RGS7: variants seen among roughly 807,000 people sequenced by gnomAD.
RGS7 encodes the protein regulator of G-protein signaling 7.
Under a neutral mutation model 81.1 loss-of-function variants are expected in RGS7, and 27 were observed. The observed-to-expected ratio is 0.33, with a 90% CI of 0.25 to 0.46. RGS7 has a LOEUF of 0.46. Among genes scored for constraint, RGS7 ranks in the 20% least tolerant of loss-of-function variants. RGS7 has a pLI of 1.00. For synonymous variants in RGS7, 208 were observed against 207.7 expected, an observed-to-expected ratio of 1.00 and a Z score of -0.01; for missense variants, 396 against 607.4, an observed-to-expected ratio of 0.65 and a Z score of 3.66.
At chr1:240,991,246 C>G (rs1686414272) in intron 3 of RGS7, among the ~76,000 whole-genome samples, 1 of 152,142 alleles carries the variant, frequency 6.6e-6, no homozygotes, top group Non-Finnish European at 1.5e-5. Flanking sequence ...TTCCAGAAAT[C>G]ATAAAAATAT....
At chr1:241,038,476 C>T (rs894700780) in intron 3 of RGS7, among the ~76,000 whole-genome samples, 2 of 152,132 alleles carry the variant, frequency 1.3e-5, no homozygotes, top group African/African-American at 4.8e-5. Flanking sequence ...GCAAAAGAAG[C>T]AATGAAAGCA....
intron 4 of RGS7, among the ~76,000 whole-genome samples, chr1:240,966,165 T>C (rs971173995): frequency 1.3e-5 from 2 of 151,594 alleles, no homozygotes; most frequent in Non-Finnish European, 2.9e-5. Flanking sequence ...CCCTAAACTA[T>C]ATAAAAAAAA....
chr1:241,004,333 A>G (rs1479807363), intron 3 of RGS7, among the ~76,000 whole-genome samples: 1 of 152,156 alleles, frequency 6.6e-6, no homozygotes, highest in African/African-American at 2.4e-5. Context: ...TAATGAGTAT[A>G]CATCGTGTAA....
At chr1:241,314,432 G>A (rs927703863) in intron 2 of RGS7, among the ~76,000 whole-genome samples, 3 of 152,276 alleles carry the variant, frequency 2.0e-5, no homozygotes, top group Non-Finnish European at 4.4e-5. Context: ...CTAAGTTAAG[G>A]TATGTACCTT....
intron 6 of RGS7, among the ~76,000 whole-genome samples, chr1:240,924,509 A>G (rs1674105227): frequency 6.6e-6 from 1 of 152,002 alleles, no homozygotes; most frequent in South Asian, 2.1e-4. Context: ...TGGGGAACAA[A>G]TTTTTCCTTC....
chr1:241,011,319 G>T (rs1004608056), intron 3 of RGS7, among the ~76,000 whole-genome samples: 2 of 152,168 alleles, frequency 1.3e-5, no homozygotes, highest in African/African-American at 4.8e-5. Context: ...CTGGCAGCAG[G>T]GGAGGAAACG....
At chr1:241,259,066 C>T (rs1430106681) in intron 2 of RGS7, among the ~76,000 whole-genome samples, 1 of 152,150 alleles carries the variant, frequency 6.6e-6, no homozygotes, top group Admixed American at 6.6e-5. Flanking sequence ...GGAAAGACCA[C>T]CTTTCACTTC....
intron 2 of RGS7, among the ~76,000 whole-genome samples, chr1:241,100,696 G>A (rs957550031): frequency 1.3e-5 from 2 of 152,138 alleles, no homozygotes; most frequent in Non-Finnish European, 2.9e-5. Flanking sequence ...TTCTTCATGG[G>A]ATTGCATTGG....
chr1:240,789,388 A>G (rs1685590408), intron 18 of RGS7, among the ~76,000 whole-genome samples: 1 of 152,240 alleles, frequency 6.6e-6, no homozygotes, highest in Non-Finnish European at 1.5e-5. Flanking sequence ...GAACAGGATA[A>G]CAGCAATGTT....
chr1:240,875,138 T>G (rs139311936), intron 6 of RGS7, among the ~76,000 whole-genome samples: 447 of 152,304 alleles, frequency 2.9e-3, no homozygotes, highest in African/African-American at 0.01. Flanking sequence ...ACAACAGTCT[T>G]CCAGAACTTA....
intron 6 of RGS7, among the ~76,000 whole-genome samples, chr1:240,897,712 A>G (rs552515804): frequency 2.2e-4 from 34 of 152,296 alleles, no homozygotes; most frequent in Admixed American, 1.8e-3. Context: ...TTTTGCATCA[A>G]TGTTCATCAG....
chr1:241,318,006 A>G (rs921145013), intron 2 of RGS7, among the ~76,000 whole-genome samples: 6 of 152,124 alleles, frequency 3.9e-5, no homozygotes, highest in African/African-American at 1.4e-4. Context: ...ATCTCCTGCC[A>G]TCTTGGTGCC....
In RGS7 at chr1:241,044,629, G is replaced by A. The variant is rs143653388; in HGVS notation, c.175+54037C>T. Among the ~76,000 whole-genome samples, 1,496 of 151,650 alleles carry A rather than the reference G, an allele frequency of 9.9e-3. 20 individuals are homozygous for A. The highest frequency in any genetic ancestry group is 0.035 in the African/African-American group (1,427 of 41,280). ...ATTTTTTTTGTAGAGATAGAGTCTC[G>A]CTATATTGCTAAGGTTGATCTTGAA... On this transcript the variant is annotated intron_variant, in intron 3 of 18. Coordinates refer to ENST00000440928, the MANE Select transcript of RGS7 (RefSeq NM_001364886.1).
intron 6 of RGS7, among the ~76,000 whole-genome samples, chr1:240,887,234 T>TGTTGTTGTTGTTGCTGCTG: frequency 6.8e-6 from 1 of 147,744 alleles, no homozygotes; most frequent in African/African-American, 2.6e-5. Context: ...AGGTTTTTTT[T>TGTTGTTGTTGTTGCTGCTG]TTTTTTTTTT....
intron 2 of RGS7, among the ~76,000 whole-genome samples, chr1:241,184,482 A>T (rs932101384): frequency 8.5e-5 from 13 of 152,222 alleles, no homozygotes; most frequent in African/African-American, 2.9e-4. Context: ...GAAATTCCCA[A>T]ATCGGAAATG....
chr1:241,247,543 A>G (rs988416280), intron 2 of RGS7, among the ~76,000 whole-genome samples: 1 of 152,186 alleles, frequency 6.6e-6, no homozygotes, highest in Admixed American at 6.5e-5. Context: ...CAATAATGCC[A>G]GGGATAACTA....
chr1:241,059,397 T>C (rs138676129), intron 3 of RGS7, among the ~76,000 whole-genome samples: 512 of 152,214 alleles, frequency 3.4e-3, no homozygotes, highest in Middle Eastern at 0.02. Context: ...ATATGTAGAG[T>C]ATATTAGTCA....
intron 2 of RGS7, among the ~76,000 whole-genome samples, chr1:241,207,969 G>A (rs555495984): frequency 7.9e-5 from 12 of 152,186 alleles, no homozygotes; most frequent in South Asian, 4.1e-4. Flanking sequence ...GCAATGGTAC[G>A]ATCTCCGCTC....
At chr1:240,863,199 C>A (rs1662561924) in intron 9 of RGS7, among the ~76,000 whole-genome samples, 1 of 152,140 alleles carries the variant, frequency 6.6e-6, no homozygotes, top group Non-Finnish European at 1.5e-5. Context: ...TTAGGCCGGG[C>A]ACGGTGGCTC....
Sources: gnomAD v4.1 joint callset for allele counts (sites outside exome capture counted in the v4.1 genomes callset) on GRCh38, gnomAD v4.1.1 for gene constraint, MANE v1.5 for transcripts, NCBI Gene and HGNC (gene_info 2026-07-23, HGNC 2026-07-21) for gene names.